The following CPE variants were observed in gnomAD, a reference collection of about 807,000 sequenced individuals.
The protein encoded by CPE is carboxypeptidase E.
Under a neutral mutation model 53.5 loss-of-function variants are expected in CPE, and 17 were observed. The observed-to-expected ratio is 0.32, with a 90% CI of 0.22 to 0.48. The LOEUF is 0.48. Ranked by LOEUF, CPE falls within the 20% of genes least tolerant of loss-of-function variation. The pLI, the probability that CPE is intolerant of heterozygous loss-of-function variation, is 0.99. For missense variants in CPE, 524 were observed against 614.7 expected, an observed-to-expected ratio of 0.85 and a Z score of 1.56; for synonymous variants, 226 against 228.8, an observed-to-expected ratio of 0.99 and a Z score of 0.11.
At chr4:165,424,312 G>A (rs532044618) in intron 1 of CPE, among the ~76,000 whole-genome samples, 80 of 149,980 alleles carry the variant, frequency 5.3e-4, no homozygotes, top group South Asian at 5.0e-3. Flanking sequence ...AAGTCTTTCC[G>A]TGTCATTTTA....
intron 8 of CPE, among the ~76,000 whole-genome samples, chr4:165,496,287 A>G (rs370889802): frequency 3.9e-5 from 6 of 152,160 alleles, no homozygotes; most frequent in Admixed American, 1.3e-4. Context: ...AAAAGAATTT[A>G]TTATTATTTT....
chr4:165,404,891 T>G (rs963848115), intron 1 of CPE: 1 of 762,278 alleles, frequency 1.3e-6, no homozygotes, highest in African/African-American at 1.7e-5. Flanking sequence ...CTCAGGTCTT[T>G]TGCTGACAGC....
At chr4:165,405,260 C>T in intron 1 of CPE, 1 of 907,566 alleles carries the variant, frequency 1.1e-6, no homozygotes, top group Non-Finnish European at 1.9e-6. Flanking sequence ...CATCCCTGCA[C>T]CAGGAATAGC....
chr4:165,453,354 TTC>T (rs796527765), intron 1 of CPE, among the ~76,000 whole-genome samples: 17 of 148,832 alleles, frequency 1.1e-4, no homozygotes, highest in South Asian at 2.2e-4. Flanking sequence ...CTTCCTTCCT[TTC>T]TCTCTCTCTC....
chr4:165,381,246 T>C (rs1430541057), intron 1 of CPE: 2 of 456,274 alleles, frequency 4.4e-6, no homozygotes, highest in Non-Finnish European at 4.4e-6. Flanking sequence ...ATCTGGAATA[T>C]ATAGTTCATC....
At chr4:165,422,782 C>T (rs1731247072) in intron 1 of CPE, among the ~76,000 whole-genome samples, 1 of 151,976 alleles carries the variant, frequency 6.6e-6, no homozygotes, top group Admixed American at 6.6e-5. Context: ...TAGAGACCAT[C>T]CTGGCCAATA....
intron 1 of CPE, among the ~76,000 whole-genome samples, chr4:165,435,477 A>G (rs527889041): frequency 1.3e-5 from 2 of 152,328 alleles, no homozygotes; most frequent in South Asian, 2.1e-4. Flanking sequence ...ATATCATAGG[A>G]AAATAATTAT....
chr4:165,467,887 G>A (rs201036265), intron 3 of CPE, 32 bp downstream of exon 3: 99 of 1,605,062 alleles, frequency 6.2e-5, no homozygotes, highest in Non-Finnish European at 7.3e-5. Context: ...TCTTGGGTTC[G>A]TCTCTAGCCT....
At chr4:165,448,808 G>T (rs912016095) in intron 1 of CPE, among the ~76,000 whole-genome samples, 3 of 152,150 alleles carry the variant, frequency 2.0e-5, no homozygotes, top group African/African-American at 7.2e-5. Flanking sequence ...AGTCAGGGAA[G>T]GCCAGCATGG....
chr4:165,422,963 C>T (rs1731250591), intron 1 of CPE, among the ~76,000 whole-genome samples: 1 of 104,362 alleles, frequency 9.6e-6, no homozygotes, highest in South Asian at 3.2e-4. Context: ...GGCGACAGAA[C>T]GAAACTCTGT....
chr4:165,494,748 A>G (rs2126718695), intron 7 of CPE, among the ~76,000 whole-genome samples: 1 of 152,316 alleles, frequency 6.6e-6, no homozygotes, highest in South Asian at 2.1e-4. Context: ...AGCTGCAAGG[A>G]GATGTAGATT....
intron 1 of CPE, among the ~76,000 whole-genome samples, chr4:165,395,182 T>C (rs1284709744): frequency 3.3e-5 from 5 of 152,186 alleles, no homozygotes; most frequent in African/African-American, 1.2e-4. Flanking sequence ...TGTGTTCTCA[T>C]ATGAGCAGGA....
At chr4:165,457,060 T>C (rs202225030) in intron 1 of CPE, among the ~76,000 whole-genome samples, 6 of 152,268 alleles carry the variant, frequency 3.9e-5, no homozygotes, top group East Asian at 3.9e-4. Flanking sequence ...ATATGTCTTA[T>C]TGTGTTTCAA....
intron 1 of CPE, among the ~76,000 whole-genome samples, chr4:165,387,868 C>T (rs368578165): frequency 9.9e-5 from 15 of 152,232 alleles, no homozygotes; most frequent in Admixed American, 4.6e-4. Context: ...GGGATCTGCC[C>T]GCCTCGGTCT....
chr4:165,397,300 G>T (rs988415552), intron 1 of CPE, among the ~76,000 whole-genome samples: 4 of 152,048 alleles, frequency 2.6e-5, no homozygotes, highest in South Asian at 2.1e-4. Flanking sequence ...ATCCCTTATG[G>T]GTTTGGTACT....
chr4:165,443,954 A>G (rs1410754692), intron 1 of CPE, among the ~76,000 whole-genome samples: 2 of 152,188 alleles, frequency 1.3e-5, no homozygotes, highest in Non-Finnish European at 2.9e-5. Flanking sequence ...AGAAGGTACC[A>G]TCTACGAACC....
intron 3 of CPE, among the ~76,000 whole-genome samples, chr4:165,470,025 T>C (rs1732174388): frequency 6.6e-6 from 1 of 152,182 alleles, no homozygotes; most frequent in African/African-American, 2.4e-5. Flanking sequence ...CTGGTCTTCT[T>C]AGTGGTGGCA....
chr4:165,383,011 T>C (rs563541064), intron 1 of CPE, among the ~76,000 whole-genome samples: 2 of 152,332 alleles, frequency 1.3e-5, no homozygotes, highest in South Asian at 2.1e-4. Flanking sequence ...CAAAAATCTA[T>C]TGAAAGAGAG....
intron 1 of CPE, among the ~76,000 whole-genome samples, chr4:165,392,928 A>G (rs1730708765): frequency 6.7e-6 from 1 of 150,034 alleles, no homozygotes; most frequent in Non-Finnish European, 1.5e-5. Context: ...ATAGTATATA[A>G]TTATAAGTAG....
Sources: allele counts gnomAD v4.1 joint callset (sites outside exome capture counted in the v4.1 genomes callset), GRCh38; gene constraint gnomAD v4.1.1; transcripts MANE v1.5; gene names NCBI Gene and HGNC (gene_info 2026-07-23, HGNC 2026-07-21).